CAMKK1: variants seen among roughly 807,000 people sequenced by gnomAD.
CAMKK1 encodes calcium/calmodulin dependent protein kinase kinase 1.
Under a neutral mutation model 63.5 loss-of-function variants are expected in CAMKK1, and 20 were observed. The ratio of observed to expected loss-of-function variants is 0.32; its 90% CI spans 0.22 to 0.46. The LOEUF (loss-of-function observed/expected upper bound fraction) is 0.46, where lower values mean the gene tolerates loss of function less well. Ranked by LOEUF, CAMKK1 falls within the 20% of genes least tolerant of loss-of-function variation. CAMKK1 has a pLI of 1.00. For missense variants in CAMKK1, 588 were observed against 658.1 expected (o/e 0.89, Z 1.17); for synonymous variants, 253 against 269.0 (o/e 0.94, Z 0.58).
rs2055552426 is a variant in CAMKK1, at chr17:3,884,424, A to G, written c.364T>C (p.Cys122Arg). The change falls in exon 3 of 16, where the codon TGC becomes CGC. Residue 122 changes from cysteine (C) to arginine (R), a missense_variant. Physicochemically the swap from Cys to Arg is radical, Grantham distance 180. Transcript: ENST00000348335. This position sits in a 1 kb window ranked among gnomAD's most constrained non-coding sequence, Gnocchi z 4.5. ...HHVAISDAED[C>R]VQLNQYKLQS... ...AGCTTGTACTGGTTCAGCTGCACGC[A>G]GTCCTGTGGGGGAAGAGCGAGCACC... The G allele has an allele frequency of 1.2e-6, 2 of 1,613,338 alleles. No individual in the cohort carries two copies. The highest frequency in any genetic ancestry group is 1.1e-5 in the South Asian group (1 of 91,024).
intron 1 of CAMKK1, among the ~76,000 whole-genome samples, chr17:3,888,183 C>CGCCACAGGCAGAA (rs1265629558): frequency 5.3e-4 from 80 of 152,292 alleles, no homozygotes; most frequent in Middle Eastern, 3.4e-3. Context: ...GACTCAGAGC[C>CGCCACAGGCAGAA]GCCACAGGCA....
intron 1 of CAMKK1, among the ~76,000 whole-genome samples, chr17:3,891,545 G>T (rs920314335): frequency 6.6e-6 from 1 of 152,150 alleles, no homozygotes; most frequent in Non-Finnish European, 1.5e-5. Context: ...GCCATGAGGG[G>T]ACAGTGCTTG....
Position 3,890,859 on chromosome 17 carries a change from C to T in CAMKK1, c.-44+2080G>A. The T allele has an allele frequency of 1.3e-6, 1 of 742,136 alleles. No individual in the cohort carries two copies. The highest frequency in any genetic ancestry group is 2.5e-6 in the Non-Finnish European group (1 of 396,644). 46.0% of individuals were successfully genotyped at this position (742,136 alleles called of 1,614,324 possible). On this transcript the variant is annotated intron_variant, in intron 1 of 15. Coordinates refer to ENST00000348335, the MANE Select transcript of CAMKK1 (RefSeq NM_032294.3). The surrounding 1 kb of genome is among the most constrained non-coding windows in gnomAD (Gnocchi z 6.5). ...GAGCCCTCCTTGATCTCCCCACTAC[C>T]TGCTGGGTGAGCTCACCAAGTCAAA...
chr17:3,882,379 G>T lies in CAMKK1; in HGVS notation c.685+149C>A. 1 of 1,606,772 alleles carries T rather than the reference G, an allele frequency of 6.2e-7. No individual in the cohort carries two copies. The highest frequency in any genetic ancestry group is 8.5e-7 in the Non-Finnish European group (1 of 1,173,460). The stretch of plus-strand genomic sequence containing the variant: ...GGCCTGGTTCTGCAGGGCTGGGCAA[G>T]GGAATCCAGGGCTTCAGAACGTGTG... On this transcript the variant is annotated intron_variant, in intron 7 of 15. Coordinates refer to ENST00000348335, the MANE Select transcript of CAMKK1 (RefSeq NM_032294.3). The surrounding 1 kb of genome is among the most constrained non-coding windows in gnomAD (Gnocchi z 4.3).
intron 10 of CAMKK1, among the ~76,000 whole-genome samples, chr17:3,876,001 G>C (rs969318313): frequency 1.3e-5 from 2 of 152,196 alleles, no homozygotes; most frequent in African/African-American, 4.8e-5. Flanking sequence ...ACCCAGCACA[G>C]AGCAACCAAC....
intron 14 of CAMKK1, among the ~76,000 whole-genome samples, chr17:3,866,380 C>A (rs982837611): frequency 4.6e-5 from 7 of 152,260 alleles, no homozygotes; most frequent in Admixed American, 1.3e-4. Context: ...CGCCTTCCGG[C>A]CGCCGAGAAG....
At chr17:3,878,807 T>C (rs1480688185) in intron 9 of CAMKK1, 2 of 107,032 alleles carry the variant, frequency 1.9e-5, no homozygotes, top group African/African-American at 8.6e-5. Flanking sequence ...TATGTATGTA[T>C]GCATTTATTT....
Position 3,885,424 on chromosome 17 carries a change from A to G in CAMKK1, c.264T>C (p.Ala88=). The G allele has an allele frequency of 6.2e-7, 1 of 1,612,654 alleles. No homozygotes were observed. The highest frequency in any genetic ancestry group is 1.7e-4 in the Middle Eastern group (1 of 6,052). ...TGGCAGGCCCCGTGGCATAAGGCCCAGCCTGCGCCTCCAGATAGCTTCCTG... is the reference window on the plus strand; with the variant it reads ...TGGCAGGCCCCGTGGCATAAGGCCCGGCCTGCGCCTCCAGATAGCTTCCTG... The part of the protein sequence containing the change: ...RPAGSYLEAQ[A]GPYATGPASH... Residue 88 remains alanine, a synonymous_variant, in exon 2 of 16, where the codon GCT becomes GCC. Transcript: ENST00000348335.
intron 10 of CAMKK1, 151 bp from the exon 11 acceptor site, chr17:3,873,613 G>T: frequency 1.3e-6 from 1 of 767,176 alleles, no homozygotes; most frequent in Admixed American, 2.2e-5. Flanking sequence ...GCCCGATGCT[G>T]GGCCCCGTGC....
chr17:3,876,942 G>C (rs533398470), intron 9 of CAMKK1, among the ~76,000 whole-genome samples: 2 of 152,092 alleles, frequency 1.3e-5, no homozygotes, highest in African/African-American at 4.8e-5. Context: ...ATTTTTAGTA[G>C]AGACAGGGTT....
chr17:3,891,158 G>T (rs1597499096), intron 1 of CAMKK1, among the ~76,000 whole-genome samples: 1 of 152,082 alleles, frequency 6.6e-6, no homozygotes, highest in Non-Finnish European at 1.5e-5. Context: ...GGACGCCTGG[G>T]ATGCAAGCAC....
At chr17:3,880,560 C>G (rs1226827330) in intron 8 of CAMKK1, 126 bp from the exon 9 acceptor site, 4 of 661,824 alleles carry the variant, frequency 6.0e-6, no homozygotes, top group Non-Finnish European at 1.1e-5. Flanking sequence ...TTAGCTTTTT[C>G]TGCTACATAA....
At position 3,883,362 on chromosome 17, in the gene CAMKK1, A is replaced by AGGAT; in HGVS notation, c.514+63_514+66dup. The AGGAT allele has an allele frequency of 6.5e-7, 1 of 1,529,692 alleles. No individual in the cohort carries two copies. The highest frequency in any genetic ancestry group is 9.1e-7 in the Non-Finnish European group (1 of 1,103,770). The allele number at this position is 1,529,692 out of a possible 1,614,324, so 94.8% of individuals were successfully genotyped here. A position where few individuals can be genotyped will look rare whatever the true frequency, so the allele number is the denominator to read the frequency against. On this transcript the variant is annotated intron_variant, in intron 5 of 15. Coordinates refer to ENST00000348335, the MANE Select transcript of CAMKK1 (RefSeq NM_032294.3). This position sits in a 1 kb window ranked among gnomAD's most constrained non-coding sequence, Gnocchi z 4.7. ...CCCCATTCCTAGCCAAAACTAGCTC[A>AGGAT]GGATCGAGGTCTCCTCCTCTGCCTC... is the stretch of plus-strand genomic sequence containing the variant.
At position 3,860,950 on chromosome 17, in the gene CAMKK1, A is replaced by G. The variant is rs2054317556; in HGVS notation, c.*1261T>C. The G allele has an allele frequency of 6.6e-6, 1 of 152,266 alleles. No individual in the cohort carries two copies. The highest frequency in any genetic ancestry group is 1.5e-5 in the Non-Finnish European group (1 of 68,064). 9.4% of individuals were successfully genotyped at this position (152,266 alleles called of 1,614,324 possible). On this transcript the variant is annotated 3_prime_UTR_variant, in exon 16 of 16. Transcript: ENST00000348335. Reference sequence around the variant, plus strand: ...ATCCATGTTTCCAGGGCAGTGTCCGAGTCCTGCGTGACCCTGTGGGGGTCA... The same window carrying G: ...ATCCATGTTTCCAGGGCAGTGTCCGGGTCCTGCGTGACCCTGTGGGGGTCA...
At chr17:3,873,340 G>A in intron 11 of CAMKK1, 69 bp downstream of exon 11, 1 of 1,388,540 alleles carries the variant, frequency 7.2e-7, no homozygotes, top group East Asian at 2.3e-5. Context: ...AAAAGGAAGA[G>A]CCTGCATCCG....
chr17:3,875,035 T>C (rs55924034), intron 10 of CAMKK1, among the ~76,000 whole-genome samples: 25,688 of 151,672 alleles, frequency 0.17, 3,309 homozygotes, highest in African/African-American at 0.35. Context: ...GGCAGGAGAA[T>C]GGCGTGAACC....
At position 3,872,536 on chromosome 17, in the gene CAMKK1, C is replaced by T; in HGVS notation, c.1124+18G>A. ...GAGCGGGTGGTAGCCCCCTTGTTCCCCTGGGTGGACAACTCACTCCTCAGG... is the reference window on the plus strand; with the variant it reads ...GAGCGGGTGGTAGCCCCCTTGTTCCTCTGGGTGGACAACTCACTCCTCAGG... On this transcript the variant is annotated intron_variant, in intron 12 of 15. Transcript: ENST00000348335. 6.2e-7 allele frequency: 1 copy of T among 1,608,764 alleles called. No individual in the cohort carries two copies. The highest frequency in any genetic ancestry group is 2.2e-5 in the East Asian group (1 of 44,856).
At position 3,869,898 on chromosome 17, in the gene CAMKK1, G is replaced by A; in HGVS notation, c.1125-10C>T. 2 of 1,612,342 alleles carry A rather than the reference G, an allele frequency of 1.2e-6. No homozygotes were observed. Among genetic ancestry groups the A allele is most frequent in the Non-Finnish European group, 1.7e-6 (2 of 1,178,322 alleles). On this transcript the variant is annotated splice_polypyrimidine_tract_variant and intron_variant, in intron 12 of 15. Transcript: ENST00000348335. ...CTCGCTGATTTCTGGCCTGGAGAGG[G>A]CGAAGGAAGGAGAGGAGGGTGGGAC... is the stretch of plus-strand genomic sequence containing the variant.
Position 3,884,272 on chromosome 17 carries a change from G to T in CAMKK1, c.408+108C>A, listed in dbSNP as rs2055545449. 1.6e-6 allele frequency: 2 copies of T among 1,253,190 alleles called. No individual in the cohort carries two copies. Among genetic ancestry groups the T allele is most frequent in the African/African-American group, 1.5e-5 (1 of 67,944 alleles). The allele number at this position is 1,253,190 out of a possible 1,614,324, so 77.6% of individuals were successfully genotyped here. A position where few individuals can be genotyped will look rare whatever the true frequency, so the allele number is the denominator to read the frequency against. On this transcript the variant is annotated intron_variant, in intron 3 of 15. Coordinates refer to ENST00000348335, the MANE Select transcript of CAMKK1 (RefSeq NM_032294.3). The surrounding 1 kb of genome is among the most constrained non-coding windows in gnomAD (Gnocchi z 4.5). ...GGCACGAAACTGTCCTCACCTCCAG[G>T]CTAGGACTTGCCTGGCTCTGCCTCC...
Sources: gnomAD v4.1 joint callset for allele counts (sites outside exome capture counted in the v4.1 genomes callset) on GRCh38, gnomAD v4.1.1 for gene constraint, Gnocchi (gnomAD v3.1) non-coding constraint, MANE v1.5 for transcripts, NCBI Gene and HGNC (gene_info 2026-07-23, HGNC 2026-07-21) for gene names.